The following EHMT1 variants were observed in gnomAD, a reference collection of about 807,000 sequenced individuals.
EHMT1 encodes the protein histone-lysine N-methyltransferase EHMT1.
In EHMT1, 15 loss-of-function variants were observed where a neutral mutation model predicts 147.2. The ratio of observed to expected loss-of-function variants is 0.10; its 90% confidence interval spans 0.07 to 0.16. EHMT1 has a LOEUF of 0.16. Among genes scored for constraint, EHMT1 ranks in the 10% least tolerant of loss-of-function variants. The probability of loss-of-function intolerance (pLI) is 1.00; values close to 1 mark genes in which losing one functional copy is unlikely to be tolerated. For missense variants in EHMT1, 1,587 were observed against 1,772.4 expected (o/e 0.90, Z 1.88); for synonymous variants, 795 against 709.6 (o/e 1.12, Z -1.91).
In EHMT1 at chr9:137,800,955, A is replaced by G. The variant is rs1221448951; in HGVS notation, c.2683A>G (p.Lys895Glu). Residue 895 changes from lysine (K) to glutamate (E), a missense_variant, in exon 18 of 27, where the codon AAG becomes GAG. By Grantham distance (56) the Lys-to-Glu change is moderately conservative. Transcript: ENST00000460843. ...GGACCTCGTGAAGCTGCTGCTGTCC[A>G]AGGGCTCTGACATCAACATCCGAGA... ...HVDLVKLLLS[K>E]GSDINIRDNE... The G allele has an allele frequency of 1.2e-6, 2 of 1,614,100 alleles. No individual in the cohort carries two copies. Among genetic ancestry groups the G allele is most frequent in the South Asian group, 1.1e-5 (1 of 91,070 alleles).
At chr9:137,833,378 G>A (rs1316519260) in intron 25 of EHMT1, among the ~76,000 whole-genome samples, 1 of 152,252 alleles carries the variant, frequency 6.6e-6, no homozygotes, top group Non-Finnish European at 1.5e-5. Context: ...TCGGCCCAGT[G>A]TGCGCAGCAG....
intron 1 of EHMT1, among the ~76,000 whole-genome samples, chr9:137,633,062 A>G (rs1353947963): frequency 6.6e-6 from 1 of 152,054 alleles, no homozygotes; most frequent in African/African-American, 2.4e-5. Flanking sequence ...GTGGCAGATG[A>G]GGAGGGCACA....
chr9:137,708,155 T>A (rs1342064730), intron 1 of EHMT1, among the ~76,000 whole-genome samples: 1 of 152,204 alleles, frequency 6.6e-6, no homozygotes, highest in Admixed American at 6.5e-5. Context: ...TGAAAAAAAC[T>A]CAGTTGAATG....
At chr9:137,697,116 A>C (rs1002328597) in intron 1 of EHMT1, 24 of 398,300 alleles carry the variant, frequency 6.0e-5, no homozygotes, top group Admixed American at 4.7e-4. Flanking sequence ...CCCTGTCTCT[A>C]CTAAAAGTGC....
intron 14 of EHMT1, among the ~76,000 whole-genome samples, chr9:137,780,894 C>CCGGGA: frequency 2.0e-5 from 2 of 101,944 alleles, no homozygotes; most frequent in African/African-American, 7.8e-5. Context: ...GGTGATGACG[C>CCGGGA]TGGGATGTGT....
At chr9:137,806,790 A>G (rs534380033) in intron 18 of EHMT1, among the ~76,000 whole-genome samples, 7 of 152,358 alleles carry the variant, frequency 4.6e-5, no homozygotes, top group African/African-American at 1.7e-4. Flanking sequence ...TTTGAAAGAT[A>G]TTCTTAGAAT....
chr9:137,635,231 G>C lies in EHMT1; in HGVS notation c.21+16182G>C, dbSNP rs76033513. 5.5e-3 allele frequency among the ~76,000 whole-genome samples: 836 copies of C among 151,776 alleles called. 8 individuals are homozygous for C. The highest frequency in any genetic ancestry group is 0.031 in the Middle Eastern group (9 of 292). On this transcript the variant is annotated intron_variant, in intron 1 of 26. Coordinates refer to ENST00000460843, the MANE Select transcript of EHMT1 (RefSeq NM_024757.5). ...TATTTTATTTATTTATTTTGAGACA[G>C]AGTCTTGCACTGTCACCTGGGCTGG... is the stretch of plus-strand genomic sequence containing the variant.
intron 22 of EHMT1, chr9:137,815,609 A>G (rs1223461218): frequency 1.0e-5 from 4 of 385,578 alleles, no homozygotes; most frequent in African/African-American, 8.3e-5. Flanking sequence ...AACCAGCTGA[A>G]GAAAGCAGAG....
At chr9:137,650,839 G>C (rs1378251754) in intron 1 of EHMT1, 1 of 151,496 alleles carries the variant, frequency 6.6e-6, no homozygotes, top group Non-Finnish European at 1.5e-5. Context: ...GCTAATTTTT[G>C]TTTTTTAATT....
intron 6 of EHMT1, chr9:137,746,184 C>T (rs1260950224): frequency 5.3e-5 from 8 of 152,212 alleles, no homozygotes; most frequent in African/African-American, 1.7e-4. Flanking sequence ...GGCGTGATCA[C>T]GCTCAGTGCA....
At chr9:137,715,318 C>T (rs1361291771) in intron 2 of EHMT1, among the ~76,000 whole-genome samples, 1 of 152,232 alleles carries the variant, frequency 6.6e-6, no homozygotes, top group Non-Finnish European at 1.5e-5. Flanking sequence ...TTTCCACTTA[C>T]TCTGTTTTGT....
At position 137,773,253 on chromosome 9, in the gene EHMT1, G is replaced by A. The variant is rs184758819; in HGVS notation, c.1648-1856G>A. 1.1e-3 allele frequency among the ~76,000 whole-genome samples: 164 copies of A among 152,316 alleles called. 1 individual carries two copies. Among genetic ancestry groups the A allele is most frequent in the Admixed American group, 4.7e-3 (72 of 15,308 alleles). ...ATGTAAACATTTTTCAAAGTCAGTA[G>A]GTACAAGTGCCCTGCAGCCGCTGGT... On this transcript the variant is annotated intron_variant, in intron 10 of 26. Transcript: ENST00000460843.
intron 1 of EHMT1, among the ~76,000 whole-genome samples, chr9:137,674,236 G>A (rs891559746): frequency 6.6e-6 from 1 of 152,248 alleles, no homozygotes; most frequent in African/African-American, 2.4e-5. Context: ...CGTGTGACCC[G>A]CCTGCACCAG....
chr9:137,676,899 T>C (rs983056872), intron 1 of EHMT1, among the ~76,000 whole-genome samples: 1 of 150,134 alleles, frequency 6.7e-6, no homozygotes, highest in Non-Finnish European at 1.5e-5. Flanking sequence ...TTTTTTTTTT[T>C]CCCTTTTTGC....
chr9:137,635,074 A>G (rs924934243), intron 1 of EHMT1, among the ~76,000 whole-genome samples: 1 of 151,718 alleles, frequency 6.6e-6, no homozygotes. Context: ...TCTGCAAAAA[A>G]GCCTTTCAGG....
intron 25 of EHMT1, among the ~76,000 whole-genome samples, chr9:137,831,368 G>A (rs1392580773): frequency 7.9e-5 from 12 of 152,184 alleles, no homozygotes; most frequent in African/African-American, 1.7e-4. Flanking sequence ...CATATTGTCC[G>A]TACATGGAAA....
rs564949607 is a variant in EHMT1 at position 137,730,487 on chromosome 9, C to T, written c.823+1958C>T. 2.8e-4 allele frequency among the ~76,000 whole-genome samples: 43 copies of T among 152,210 alleles called. No individual in the cohort carries two copies. The South Asian group carries it at 3.7e-3, about 13-fold the overall frequency. On this transcript the variant is annotated intron_variant, in intron 4 of 26. Coordinates refer to ENST00000460843, the MANE Select transcript of EHMT1 (RefSeq NM_024757.5). ...AAAAAAAAAATAGAGATGGGGGTCTCGCTATGTTGCCCAGGCTGGTCTTGA... is the reference window on the plus strand; with the variant it reads ...AAAAAAAAAATAGAGATGGGGGTCTTGCTATGTTGCCCAGGCTGGTCTTGA...
chr9:137,738,358 T>A (rs933081446), intron 4 of EHMT1, among the ~76,000 whole-genome samples: 1 of 152,182 alleles, frequency 6.6e-6, no homozygotes, highest in Non-Finnish European at 1.5e-5. Flanking sequence ...CACAGTGAGA[T>A]ACCACCGTAC....
intron 1 of EHMT1, among the ~76,000 whole-genome samples, chr9:137,665,118 A>T (rs903723462): frequency 6.6e-6 from 1 of 152,230 alleles, no homozygotes; most frequent in African/African-American, 2.4e-5. Flanking sequence ...TGACCTTAAA[A>T]ATAGAAAATA....
Sources: allele counts gnomAD v4.1 joint callset (sites outside exome capture counted in the v4.1 genomes callset), GRCh38; gene constraint gnomAD v4.1.1; transcripts MANE v1.5; gene names NCBI Gene and HGNC (gene_info 2026-07-23, HGNC 2026-07-21).